The following FIGN variants were observed in gnomAD, a reference collection of about 807,000 sequenced individuals.
FIGN encodes the protein fidgetin.
A neutral mutation model predicts 51.3 loss-of-function variants in FIGN; 11 were observed. The ratio of observed to expected loss-of-function variants is 0.21; its 90% CI spans 0.13 to 0.35. The LOEUF is 0.35. Among genes scored for constraint, FIGN ranks in the 10% least tolerant of loss-of-function variants. The pLI, the probability that FIGN is intolerant of heterozygous loss-of-function variation, is 1.00. For missense variants in FIGN, 857 were observed against 943.6 expected (o/e 0.91, Z 1.20); for synonymous variants, 407 against 363.2 (o/e 1.12, Z -1.37).
chr2:163,671,081 G>T (rs1431173559), intron 2 of FIGN, among the ~76,000 whole-genome samples: 2 of 152,116 alleles, frequency 1.3e-5, no homozygotes, highest in Non-Finnish European at 2.9e-5. Flanking sequence ...GCGTGACTTG[G>T]CAAACAGTAT....
chr2:163,693,813 G>A (rs1479666506), intron 2 of FIGN, among the ~76,000 whole-genome samples: 1 of 152,154 alleles, frequency 6.6e-6, no homozygotes. Flanking sequence ...GAATATATCT[G>A]AGGTGATACG....
chr2:163,707,813 T>C (rs1408137308), intron 2 of FIGN, among the ~76,000 whole-genome samples: 1 of 152,138 alleles, frequency 6.6e-6, no homozygotes, highest in Non-Finnish European at 1.5e-5. Flanking sequence ...TAAAAATATC[T>C]GTAGTTAGGA....
chr2:163,692,878 T>G (rs1684259289), intron 2 of FIGN, among the ~76,000 whole-genome samples: 1 of 152,156 alleles, frequency 6.6e-6, no homozygotes, highest in Non-Finnish European at 1.5e-5. Flanking sequence ...AATTTAAGAA[T>G]CTGCGAAGAA....
rs1223712119 is a variant in FIGN, at chr2:163,610,052, G to T, written c.1780C>A (p.Gln594Lys). The T allele has an allele frequency of 6.2e-7, 1 of 1,614,044 alleles. No homozygotes were observed. Among genetic ancestry groups the T allele is most frequent in the South Asian group, 1.1e-5 (1 of 91,074 alleles). The part of the protein sequence containing the change: ...VSDIDMLLSS[Q>K]VNEEHSPVSR... ...ACTGGACTATGTTCCTCATTCACTT[G>T]AGAGGAGAGAAGCATGTCAATGTCA... Residue 594 changes from glutamine (Q) to lysine (K), a missense_variant, in exon 3 of 3, where the codon CAA (glutamine) becomes AAA (lysine). Gln to Lys is a moderately conservative substitution (Grantham distance 53). Coordinates refer to ENST00000333129, the MANE Select transcript of FIGN (RefSeq NM_018086.4).
At chr2:163,733,964 A>T (rs554687271) in intron 2 of FIGN, among the ~76,000 whole-genome samples, 1 of 130,478 alleles carries the variant, frequency 7.7e-6, no homozygotes, top group Non-Finnish European at 1.7e-5. Flanking sequence ...AAAAAAAAAC[A>T]GTCTAAAGTG....
chr2:163,672,921 G>A (rs991407576), intron 2 of FIGN, among the ~76,000 whole-genome samples: 4 of 152,100 alleles, frequency 2.6e-5, no homozygotes, highest in Non-Finnish European at 5.9e-5. Flanking sequence ...GGCCATTTCT[G>A]TAACTTTCCA....
At chr2:163,705,443 T>A (rs1164196148) in intron 2 of FIGN, among the ~76,000 whole-genome samples, 1 of 152,112 alleles carries the variant, frequency 6.6e-6, no homozygotes, top group East Asian at 1.9e-4. Flanking sequence ...CATTTTAAGA[T>A]GAAAAACACT....
intron 2 of FIGN, among the ~76,000 whole-genome samples, chr2:163,688,252 C>T (rs138327295): frequency 6.6e-6 from 1 of 152,270 alleles, no homozygotes; most frequent in African/African-American, 2.4e-5. Flanking sequence ...CCAATGAGAC[C>T]TATCGTGTGC....
intron 2 of FIGN, among the ~76,000 whole-genome samples, chr2:163,671,382 G>T (rs545171664): frequency 6.6e-6 from 1 of 152,130 alleles, no homozygotes. Context: ...AGGGACTCAC[G>T]ATCATGGAAA....
intron 2 of FIGN, among the ~76,000 whole-genome samples, chr2:163,632,601 A>G (rs902592951): frequency 6.6e-6 from 1 of 152,196 alleles, no homozygotes; most frequent in African/African-American, 2.4e-5. Flanking sequence ...TTCCAGGTGC[A>G]TGGAATGTGG....
At chr2:163,661,439 C>T (rs952059718) in intron 2 of FIGN, among the ~76,000 whole-genome samples, 34 of 151,810 alleles carry the variant, frequency 2.2e-4, no homozygotes, top group Non-Finnish European at 8.8e-5. Flanking sequence ...TCTCATCACC[C>T]AGGCTGGAGT....
At position 163,611,121 on chromosome 2, in the gene FIGN, A is replaced by G; in HGVS notation, c.711T>C (p.Asn237=). 6.2e-7 allele frequency: 1 copy of G among 1,614,128 alleles called. No homozygotes were observed. The highest frequency in any genetic ancestry group is 1.6e-4 in the Middle Eastern group (1 of 6,062). Residue 237 remains asparagine (N), a synonymous_variant, in exon 3 of 3, where the codon AAT becomes AAC. Transcript: ENST00000333129. ...TGTAACTGGAGAGGTTAGAAGTCCC[A>G]TTGTAGCCTGGGACCAAGGCTGGTG... The part of the protein sequence containing the change: ...PPPPALVPGY[N]GTSNLSSYSY...
In FIGN at chr2:163,602,623, A is replaced by G. The variant is rs1404440193; in HGVS notation, c.*6929T>C. ...AATCAAACTGCAATTTTTTTAACTC[A>G]GAATTTTTTTTTATTTGAGGTATGC... On this transcript the variant is annotated 3_prime_UTR_variant, in exon 3 of 3. Coordinates refer to ENST00000333129, the MANE Select transcript of FIGN (RefSeq NM_018086.4). 6.6e-6 allele frequency: 1 copy of G among 152,106 alleles called. No homozygotes were observed. Among genetic ancestry groups the G allele is most frequent in the Non-Finnish European group, 1.5e-5 (1 of 68,000 alleles). The allele number at this position is 152,106 out of a possible 1,614,324, so 9.4% of individuals were successfully genotyped here.
At chr2:163,624,421 A>G (rs1472093300) in intron 2 of FIGN, among the ~76,000 whole-genome samples, 1 of 151,532 alleles carries the variant, frequency 6.6e-6, no homozygotes, top group East Asian at 1.9e-4. Flanking sequence ...CCTAAGAAGA[A>G]GAGAAAGAAA....
intron 2 of FIGN, among the ~76,000 whole-genome samples, chr2:163,706,840 T>A (rs1182910025): frequency 6.6e-6 from 1 of 152,188 alleles, no homozygotes; most frequent in Non-Finnish European, 1.5e-5. Context: ...ATTAAGTTTT[T>A]CTTTTCTAGA....
At chr2:163,638,674 A>C (rs1683262493) in intron 2 of FIGN, among the ~76,000 whole-genome samples, 1 of 152,162 alleles carries the variant, frequency 6.6e-6, no homozygotes, top group South Asian at 2.1e-4. Flanking sequence ...ATTCTGCCTG[A>C]GTAACTGCAG....
intron 2 of FIGN, among the ~76,000 whole-genome samples, chr2:163,708,521 T>A (rs1228735659): frequency 6.6e-6 from 1 of 152,162 alleles, no homozygotes; most frequent in Non-Finnish European, 1.5e-5. Flanking sequence ...CTAAGCCAAA[T>A]GGTAATAAAG....
chr2:163,671,333 G>A (rs978366828), intron 2 of FIGN, among the ~76,000 whole-genome samples: 9 of 152,204 alleles, frequency 5.9e-5, no homozygotes, highest in Non-Finnish European at 8.8e-5. Flanking sequence ...ATTTAGGGAA[G>A]TTGAAGAGAT....
At chr2:163,619,174 A>G (rs1450817344) in intron 2 of FIGN, among the ~76,000 whole-genome samples, 3 of 152,132 alleles carry the variant, frequency 2.0e-5, no homozygotes, top group African/African-American at 7.2e-5. Context: ...GTTTGATACC[A>G]CAAACCAAAG....
Sources: gnomAD v4.1 joint callset for allele counts (sites outside exome capture counted in the v4.1 genomes callset) on GRCh38, gnomAD v4.1.1 for gene constraint, MANE v1.5 for transcripts, NCBI Gene and HGNC (gene_info 2026-07-23, HGNC 2026-07-21) for gene names.